Variants in ZSCAN2 observed in about 807,000 individuals in gnomAD.
The protein encoded by ZSCAN2 is zinc finger and SCAN domain-containing protein 2.
In ZSCAN2, 26 loss-of-function variants were observed where a neutral mutation model predicts 47.8. The observed-to-expected ratio is 0.54, with a 90% CI of 0.40 to 0.75. The LOEUF is 0.75. Among genes scored for constraint, ZSCAN2 ranks in the 30% least tolerant of loss-of-function variants. The pLI is 0.00. For synonymous variants in ZSCAN2, 305 were observed against 288.7 expected, an observed-to-expected ratio of 1.06 and a Z score of -0.57; for missense variants, 732 against 785.4, an observed-to-expected ratio of 0.93 and a Z score of 0.81.
At chr15:84,611,477 G>C (rs1408053125) in intron 2 of ZSCAN2, among the ~76,000 whole-genome samples, 1 of 151,538 alleles carries the variant, frequency 6.6e-6, no homozygotes, top group South Asian at 2.1e-4. Context: ...GGCCAGTCGT[G>C]GTGGCTCACA....
rs772221668 is a variant in ZSCAN2 at position 84,604,145 on chromosome 15, C to G, written c.218C>G (p.Pro73Arg). ...GGPQEEVTRG[P>R]QGALGRLREL... ...CCCCAGGAGGAGGTGACCAGGGGAC[C>G]ACAGGGTGCACTCGGCCGCCTCCGA... The change falls in exon 2 of 3, where the codon CCA becomes CGA. Residue 73 changes from proline to arginine, a missense_variant. Around this residue, in one of 2 missense-constraint regions of ZSCAN2, gnomAD observed 320 missense variants for 287.4 expected, o/e 1.11. Transcript: ENST00000546148. 1.2e-6 allele frequency: 2 copies of G among 1,613,746 alleles called. No individual in the cohort carries two copies. Among genetic ancestry groups the G allele is most frequent in the Non-Finnish European group, 8.5e-7 (1 of 1,179,856 alleles).
At chr15:84,606,880 TC>T (rs1183365866) in intron 2 of ZSCAN2, 44 of 1,138,384 alleles carry the variant, frequency 3.9e-5, no homozygotes, top group Non-Finnish European at 4.5e-5. Flanking sequence ...CCGACCTTCC[TC>T]ATGATTGCTC....
At chr15:84,612,807 G>T (rs1394591038) in intron 2 of ZSCAN2, among the ~76,000 whole-genome samples, 1 of 152,242 alleles carries the variant, frequency 6.6e-6, no homozygotes, top group South Asian at 2.1e-4. Flanking sequence ...GGTTTTATAG[G>T]ATATGTTCTT....
chr15:84,612,050 G>A (rs1290598145), intron 2 of ZSCAN2: 1 of 152,212 alleles, frequency 6.6e-6, no homozygotes, highest in Non-Finnish European at 1.5e-5. Context: ...AATAAATAAA[G>A]GAGGGACTCA....
chr15:84,621,960 C>G lies in ZSCAN2; in HGVS notation c.1765C>G (p.Pro589Ala), dbSNP rs1265639568. The G allele has an allele frequency of 6.2e-7, 1 of 1,614,112 alleles. No homozygotes were observed. The highest frequency in any genetic ancestry group is 1.1e-5 in the South Asian group (1 of 91,076). Reference sequence around the variant, plus strand: ...CACTGGGGAGAAGCCCTACAAATGCCCCGAGTGTGGCAAAGGCTTCAGCAA... The same window carrying G: ...CACTGGGGAGAAGCCCTACAAATGCGCCGAGTGTGGCAAAGGCTTCAGCAA... The part of the protein sequence containing the change: ...IHTGEKPYKC[P>A]ECGKGFSNSS... The change falls in exon 3 of 3, where the codon CCC (proline) becomes GCC (alanine). Residue 589 changes from proline (P) to alanine (A), a missense_variant. Pro to Ala is a conservative substitution (Grantham distance 27). Transcript: ENST00000546148. This position sits in a 1 kb window ranked among gnomAD's most constrained non-coding sequence, Gnocchi z 5.7.
At chr15:84,607,120 A>G (rs1015590362) in intron 2 of ZSCAN2, among the ~76,000 whole-genome samples, 3 of 152,140 alleles carry the variant, frequency 2.0e-5, no homozygotes, top group Non-Finnish European at 4.4e-5. Flanking sequence ...ACCTATATTA[A>G]TAGATTAAGT....
In ZSCAN2 at chr15:84,621,172, G is replaced by A. The variant is rs747559611; in HGVS notation, c.977G>A (p.Arg326His). The change falls in exon 3 of 3, where the codon CGC becomes CAC. Residue 326 changes from arginine (R) to histidine (H), a missense_variant. Arg to His is a conservative substitution (Grantham distance 29, BLOSUM62 0). Around this residue, in one of 2 missense-constraint regions of ZSCAN2, gnomAD observed 412 missense variants for 498.0 expected, o/e 0.83. Transcript: ENST00000546148. The surrounding 1 kb of genome is among the most constrained non-coding windows in gnomAD (Gnocchi z 5.7). ...SRSPNLIAHQ[R>H]THTGEKPYSC... ...AGTCCCAACCTCATTGCACATCAGCGCACCCACACAGGAGAGAAACCCTAC... is the reference window on the plus strand; with the variant it reads ...AGTCCCAACCTCATTGCACATCAGCACACCCACACAGGAGAGAAACCCTAC... 20 of 1,613,990 alleles carry A rather than the reference G, an allele frequency of 1.2e-5. No homozygotes were observed. The highest frequency in any genetic ancestry group is 1.4e-5 in the Non-Finnish European group (17 of 1,180,024).
rs774337892 is a variant in ZSCAN2, at chr15:84,622,510, C to T, written c.*470C>T. 1.5e-6 allele frequency: 1 copy of T among 668,988 alleles called. No individual in the cohort carries two copies. Among genetic ancestry groups the T allele is most frequent in the African/African-American group, 1.8e-5 (1 of 55,522 alleles). 41.4% of individuals were successfully genotyped at this position (668,988 alleles called of 1,614,324 possible). A position where few individuals can be genotyped will look rare whatever the true frequency, so the allele number is the denominator to read the frequency against. ...GCCTTCACCCCAAGCTGTTAGTGTT[C>T]CAGGGCACCCCAAGCTGTCAGTTAG... On this transcript the variant is annotated 3_prime_UTR_variant, in exon 3 of 3. Transcript: ENST00000546148.
chr15:84,617,931 C>G (rs1045770911), intron 2 of ZSCAN2, among the ~76,000 whole-genome samples: 1 of 152,022 alleles, frequency 6.6e-6, no homozygotes, highest in African/African-American at 2.4e-5. Context: ...CAGACTAAGA[C>G]CTTGTCTCAA....
At chr15:84,612,329 G>A (rs962719427) in intron 2 of ZSCAN2, among the ~76,000 whole-genome samples, 14 of 152,208 alleles carry the variant, frequency 9.2e-5, no homozygotes, top group Non-Finnish European at 1.8e-4. Flanking sequence ...TGTTTGTAAA[G>A]ATAGGACTGG....
Position 84,622,367 on chromosome 15 carries a change from T to C in ZSCAN2, c.*327T>C, listed in dbSNP as rs1567014033. 7 of 574,206 alleles carry C rather than the reference T, an allele frequency of 1.2e-5. No individual in the cohort carries two copies. The East Asian group carries it at 1.5e-4, about 12-fold the overall frequency. 35.6% of individuals were successfully genotyped at this position (574,206 alleles called of 1,614,324 possible). On this transcript the variant is annotated 3_prime_UTR_variant, in exon 3 of 3. Coordinates refer to ENST00000546148, the MANE Select transcript of ZSCAN2 (RefSeq NM_181877.4). ...TAAAATGGGGGGAAATGTTTCTCCA[T>C]GTGGAATGGAAGACAGCATGGCCCA... is the stretch of plus-strand genomic sequence containing the variant.
rs762700700 is a variant in ZSCAN2, at chr15:84,620,862, G to T, written c.667G>T (p.Glu223Ter). Residue 223 changes from glutamate (E) to a stop codon, truncating the protein, a stop_gained, in exon 3 of 3, where the codon GAA becomes TAA. Coordinates refer to ENST00000546148, the MANE Select transcript of ZSCAN2 (RefSeq NM_181877.4). LOFTEE classifies it high-confidence loss of function. The stretch of plus-strand genomic sequence containing the variant: ...CACCTACCTAGGGGAGAAGCCCTAC[G>T]AATGTCCCCAGTGTGGGAAGACCTT... ...QGTYLGEKPY[E>*]CPQCGKTFSR... The T allele has an allele frequency of 6.2e-7, 1 of 1,614,146 alleles. No individual in the cohort carries two copies. The highest frequency in any genetic ancestry group is 1.7e-5 in the Admixed American group (1 of 60,020).
chr15:84,619,032 G>A (rs950528365), intron 2 of ZSCAN2, among the ~76,000 whole-genome samples: 1 of 152,170 alleles, frequency 6.6e-6, no homozygotes, highest in Admixed American at 6.5e-5. Context: ...CCTCATCTAA[G>A]GAAGGGGCTA....
intron 2 of ZSCAN2, chr15:84,616,346 C>T: frequency 6.2e-7 from 1 of 1,603,280 alleles, no homozygotes. Flanking sequence ...CTGTGTGATT[C>T]CAGTTGCAGC....
In ZSCAN2 at chr15:84,621,537, T is replaced by C; in HGVS notation, c.1342T>C (p.Cys448Arg). The C allele has an allele frequency of 6.2e-7, 1 of 1,613,490 alleles. No individual in the cohort carries two copies. Among genetic ancestry groups the C allele is most frequent in the Non-Finnish European group, 8.5e-7 (1 of 1,179,896 alleles). The change falls in exon 3 of 3, where the codon TGT becomes CGT. Residue 448 changes from cysteine (C) to arginine (R), a missense_variant. By Grantham distance (180) the Cys-to-Arg change is radical. Coordinates refer to ENST00000546148, the MANE Select transcript of ZSCAN2 (RefSeq NM_181877.4). This position sits in a 1 kb window ranked among gnomAD's most constrained non-coding sequence, Gnocchi z 5.7. The stretch of plus-strand genomic sequence containing the variant: ...CCACATGGTGGAGAAGCCCTATAAG[T>C]GTGGGGTGTGTGGGAAGAGCTTCAG... ...RTHMVEKPYKCGVCGKSFSQS... is the reference protein window; with the variant it reads ...RTHMVEKPYKRGVCGKSFSQS...
chr15:84,623,061 G>C lies in ZSCAN2; in HGVS notation c.*1021G>C, dbSNP rs977065891. On this transcript the variant is annotated 3_prime_UTR_variant, in exon 3 of 3. Coordinates refer to ENST00000546148, the MANE Select transcript of ZSCAN2 (RefSeq NM_181877.4). ...ATATATGCCGAGCTAGAATCCTGTC[G>C]GGTAGCTTTTGTATACTAAGAACAT... The C allele has an allele frequency of 1.0e-5, 2 of 193,708 alleles. No individual in the cohort carries two copies. The highest frequency in any genetic ancestry group is 2.3e-5 in the Non-Finnish European group (2 of 86,218). 12.0% of individuals were successfully genotyped at this position (193,708 alleles called of 1,614,324 possible).
At chr15:84,620,530 C>T in intron 2 of ZSCAN2, 72 bp from the exon 3 acceptor site, 2 of 1,328,232 alleles carry the variant, frequency 1.5e-6, no homozygotes, top group Non-Finnish European at 2.1e-6. Flanking sequence ...TTATAAATTT[C>T]CCCCTTCGTT....
At position 84,622,723 on chromosome 15, in the gene ZSCAN2, T is replaced by C. The variant is rs752920867; in HGVS notation, c.*683T>C. ...CAGTGTCCTTTCCATTGGTAAGAGT[T>C]GGACAGGGCCTTCAGGAAAGGGGTA... On this transcript the variant is annotated 3_prime_UTR_variant, in exon 3 of 3. Transcript: ENST00000546148. 1 of 716,414 alleles carries C rather than the reference T, an allele frequency of 1.4e-6. No individual in the cohort carries two copies. Among genetic ancestry groups the C allele is most frequent in the Non-Finnish European group, 2.6e-6 (1 of 384,768 alleles). The allele number at this position is 716,414 out of a possible 1,614,324, so 44.4% of individuals were successfully genotyped here.
intron 1 of ZSCAN2, 78 bp downstream of exon 1, chr15:84,601,213 C>G (rs1037870818): frequency 6.6e-6 from 1 of 152,384 alleles, no homozygotes; most frequent in East Asian, 1.9e-4. Flanking sequence ...GGCCTGGAGC[C>G]AGCTGCCGGC....
Sources: gnomAD v4.1 joint callset for allele counts (sites outside exome capture counted in the v4.1 genomes callset) on GRCh38, gnomAD v4.1.1 for gene constraint, gnomAD v4.1.1 regional missense constraint, Gnocchi (gnomAD v3.1) non-coding constraint, MANE v1.5 for transcripts, NCBI Gene and HGNC (gene_info 2026-07-23, HGNC 2026-07-21) for gene names.